The following UHRF2 variants were observed in gnomAD, a reference collection of about 807,000 sequenced individuals.
UHRF2 encodes the protein E3 ubiquitin-protein ligase UHRF2.
In UHRF2, 23 loss-of-function variants were observed where a neutral mutation model predicts 96.8. The ratio of observed to expected loss-of-function variants is 0.24; its 90% CI spans 0.17 to 0.34. UHRF2 has a LOEUF of 0.34. Ranked by LOEUF, UHRF2 falls within the 10% of genes least tolerant of loss-of-function variation. The probability of loss-of-function intolerance (pLI) is 1.00; values close to 1 mark genes in which losing one functional copy is unlikely to be tolerated. For missense variants in UHRF2, 685 were observed against 981.5 expected (o/e 0.70, Z 4.04); for synonymous variants, 385 against 332.6 (o/e 1.16, Z -1.72).
intron 9 of UHRF2, among the ~76,000 whole-genome samples, chr9:6,489,734 T>G (rs1198716009): frequency 1.9e-4 from 29 of 150,028 alleles, no homozygotes; most frequent in African/African-American, 3.8e-4. Context: ...TTTTGTTTTT[T>G]TTTTTTTTTT....
chr9:6,457,646 T>C (rs1271631921), intron 3 of UHRF2, among the ~76,000 whole-genome samples: 3 of 152,240 alleles, frequency 2.0e-5, no homozygotes, highest in Non-Finnish European at 2.9e-5. Context: ...TATGGGTTTG[T>C]CATAAATAGC....
intron 1 of UHRF2, among the ~76,000 whole-genome samples, chr9:6,420,546 C>G (rs1009467421): frequency 1.3e-5 from 2 of 149,634 alleles, no homozygotes; most frequent in African/African-American, 4.9e-5. Flanking sequence ...ACTAAAAATA[C>G]AAAAAAAAAT....
chr9:6,475,465 C>A lies in UHRF2; in HGVS notation c.938C>A (p.Ala313Asp), dbSNP rs762438786. 2 of 1,596,346 alleles carry A rather than the reference C, an allele frequency of 1.3e-6. No homozygotes were observed. Among genetic ancestry groups the A allele is most frequent in the South Asian group, 1.1e-5 (1 of 87,506 alleles). ...DEIFKIERPG[A>D]HPLSFADGKF... ...ATCTTCAAGATTGAGAGACCTGGAG[C>A]CCATCCCCTTTCATTTGCAGATGGA... The change falls in exon 5 of 16, where the codon GCC becomes GAC. Residue 313 changes from alanine to aspartate, a missense_variant. By Grantham distance (126) the Ala-to-Asp change is moderately radical. This residue lies in a region of UHRF2 where 391 missense variants were observed against 437.0 expected (regional missense o/e 0.89). Transcript: ENST00000276893.
chr9:6,463,247 C>T (rs1382838975), intron 4 of UHRF2, among the ~76,000 whole-genome samples: 1 of 151,332 alleles, frequency 6.6e-6, no homozygotes, highest in East Asian at 2.0e-4. Flanking sequence ...TGCCATTGCA[C>T]TCCAGCCTGG....
intron 6 of UHRF2, among the ~76,000 whole-genome samples, chr9:6,478,980 C>T (rs1823759044): frequency 1.3e-5 from 2 of 152,150 alleles, no homozygotes; most frequent in Admixed American, 1.3e-4. Flanking sequence ...TACGCTCTTT[C>T]ACCTGCTCTC....
intron 8 of UHRF2, among the ~76,000 whole-genome samples, chr9:6,482,707 C>T (rs1823996493): frequency 6.6e-6 from 1 of 151,804 alleles, no homozygotes; most frequent in South Asian, 2.1e-4. Context: ...CGCCATTCTC[C>T]TGCCTCAGCC....
At chr9:6,448,663 G>A (rs1447423818) in intron 3 of UHRF2, among the ~76,000 whole-genome samples, 1 of 152,184 alleles carries the variant, frequency 6.6e-6, no homozygotes, top group Non-Finnish European at 1.5e-5. Flanking sequence ...GATGTTAAGA[G>A]TAACAGTTTA....
intron 4 of UHRF2, among the ~76,000 whole-genome samples, chr9:6,473,761 T>C (rs73639305): frequency 0.018 from 2,718 of 152,270 alleles, 87 homozygotes; most frequent in African/African-American, 0.06. Context: ...AAACCAGCCA[T>C]AGATAATACA....
At chr9:6,470,236 G>A (rs1178533295) in intron 4 of UHRF2, among the ~76,000 whole-genome samples, 2 of 152,030 alleles carry the variant, frequency 1.3e-5, no homozygotes, top group Admixed American at 1.3e-4. Flanking sequence ...AGCCATACGT[G>A]GTAGTGCACA....
chr9:6,420,720 A>C (rs913462113), intron 1 of UHRF2, among the ~76,000 whole-genome samples, 192 bp from the exon 2 acceptor site: 2 of 151,472 alleles, frequency 1.3e-5, no homozygotes, highest in African/African-American at 4.8e-5. Context: ...AAAAAAAAAA[A>C]AGAGAGAGAG....
chr9:6,474,714 TACAA>T (rs912351885), intron 4 of UHRF2, among the ~76,000 whole-genome samples: 2 of 151,896 alleles, frequency 1.3e-5, no homozygotes, highest in African/African-American at 2.4e-5. Context: ...CAATAAATAA[TACAA>T]ACAAACAAAT....
chr9:6,420,895 C>A lies in UHRF2; in HGVS notation c.154-17C>A. The stretch of plus-strand genomic sequence containing the variant: ...CATTTTAGAGAAGCATTTCACTATT[C>A]TTTCTTTATTTTCTAGTTGGAAAAT... On this transcript the variant is annotated splice_polypyrimidine_tract_variant and intron_variant, in intron 1 of 15. Coordinates refer to ENST00000276893, the MANE Select transcript of UHRF2 (RefSeq NM_152896.3). 1 of 1,588,598 alleles carries A rather than the reference C, an allele frequency of 6.3e-7. No individual in the cohort carries two copies. Among genetic ancestry groups the A allele is most frequent in the Non-Finnish European group, 8.6e-7 (1 of 1,157,012 alleles).
In UHRF2 at chr9:6,413,622, C is replaced by T; in HGVS notation, c.132C>T (p.Arg44=). 2 of 1,595,666 alleles carry T rather than the reference C, an allele frequency of 1.3e-6. No homozygotes were observed. The highest frequency in any genetic ancestry group is 1.4e-5 in the African/African-American group (1 of 73,382). ...TCGACGTGCGGCCCGAATGCCAGCG[C>T]CTCTTCTACCGGGGCAAGCAGGTGA... The part of the protein sequence containing the change: ...ALFDVRPECQ[R]LFYRGKQLEN... The change falls in exon 1 of 16, where the codon CGC becomes CGT. Residue 44 remains arginine, a synonymous_variant. Transcript: ENST00000276893.
rs1344243560 is a variant in UHRF2, at chr9:6,461,360, CT to C, written c.863+570del. Among the ~76,000 whole-genome samples the C allele has an allele frequency of 1.7e-3, 159 of 92,110 alleles. 1 individual carries two copies. Among genetic ancestry groups the C allele is most frequent in the African/African-American group, 6.2e-3 (135 of 21,940 alleles). 60.4% of individuals were successfully genotyped at this position (92,110 alleles called of 152,430 possible). On this transcript the variant is annotated intron_variant, in intron 4 of 15. Coordinates refer to ENST00000276893, the MANE Select transcript of UHRF2 (RefSeq NM_152896.3). Reference sequence around the variant, plus strand: ...CTCCCTCCCTCTCTCTCTCCCCCCCCTCCTCCTCTCCCCCTCCTCCTTCTCT... The same window carrying C: ...CTCCCTCCCTCTCTCTCTCCCCCCCCCCTCCTCTCCCCCTCCTCCTTCTCT...
chr9:6,488,953 C>T (rs1563801115), intron 9 of UHRF2, among the ~76,000 whole-genome samples: 1 of 152,038 alleles, frequency 6.6e-6, no homozygotes, highest in East Asian at 1.9e-4. Context: ...GCTGGGACTA[C>T]AGGCATGCAT....
intron 3 of UHRF2, among the ~76,000 whole-genome samples, chr9:6,443,201 C>A (rs755349968): frequency 2.6e-5 from 4 of 152,126 alleles, no homozygotes; most frequent in African/African-American, 9.7e-5. Context: ...GGCAAATGAT[C>A]GCCAGGAGCC....
intron 3 of UHRF2, among the ~76,000 whole-genome samples, chr9:6,446,855 TAAAC>T (rs960514621): frequency 1.7e-4 from 26 of 151,060 alleles, no homozygotes; most frequent in East Asian, 4.0e-4. Context: ...AAAAAATAAA[TAAAC>T]AAACAAATAA....
intron 3 of UHRF2, among the ~76,000 whole-genome samples, chr9:6,439,708 T>C (rs1035122863): frequency 6.6e-6 from 1 of 152,164 alleles, no homozygotes; most frequent in Non-Finnish European, 1.5e-5. Context: ...AAATTTAAAC[T>C]CTAGAGATTT....
rs554418432 is a variant in UHRF2, at chr9:6,413,605, C to A, written c.115C>A (p.Arg39=). 29 of 1,599,932 alleles carry A rather than the reference C, an allele frequency of 1.8e-5. 1 individual carries two copies. In the South Asian group the frequency reaches 3.2e-4, roughly 18 times the overall value. Residue 39 remains arginine (R), a synonymous_variant, in exon 1 of 16, where the codon CGG becomes AGG. Transcript: ENST00000276893. ...RERVWALFDV[R]PECQRLFYRG... is the part of the protein sequence containing the mutation. ...GCGGGTGTGGGCGCTGTTCGACGTG[C>A]GGCCCGAATGCCAGCGCCTCTTCTA...
Sources: gnomAD v4.1 joint callset for allele counts (sites outside exome capture counted in the v4.1 genomes callset) on GRCh38, gnomAD v4.1.1 for gene constraint, gnomAD v4.1.1 regional missense constraint, MANE v1.5 for transcripts, NCBI Gene and HGNC (gene_info 2026-07-23, HGNC 2026-07-21) for gene names.